SGCZ: variants seen among roughly 807,000 people sequenced by gnomAD.
The protein encoded by SGCZ is sarcoglycan zeta.
Under a neutral mutation model 41.3 loss-of-function variants are expected in SGCZ, and 40 were observed. That is an observed-to-expected ratio of 0.97 (90% CI 0.75 to 1.26). SGCZ has a LOEUF of 1.26. Among genes scored for constraint, SGCZ ranks in the 50% most tolerant of loss-of-function variants. The pLI, the probability that SGCZ is intolerant of heterozygous loss-of-function variation, is 0.00. For missense variants in SGCZ, 552 were observed against 369.8 expected, an observed-to-expected ratio of 1.49 and a Z score of -4.04; for synonymous variants, 206 against 137.5, an observed-to-expected ratio of 1.50 and a Z score of -3.49.
intron 1 of SGCZ, among the ~76,000 whole-genome samples, chr8:15,162,948 C>T (rs1341680504): frequency 6.6e-6 from 1 of 152,098 alleles, no homozygotes; most frequent in Non-Finnish European, 1.5e-5. Flanking sequence ...TAAAAGTGGT[C>T]GGAGTAGGCA....
intron 1 of SGCZ, among the ~76,000 whole-genome samples, chr8:15,215,172 G>C (rs992543089): frequency 1.3e-5 from 2 of 151,960 alleles, no homozygotes; most frequent in Non-Finnish European, 2.9e-5. Flanking sequence ...GTAAACTGTG[G>C]CATCCTGTGG....
chr8:14,304,554 C>G (rs1801291797), intron 3 of SGCZ, among the ~76,000 whole-genome samples: 1 of 152,146 alleles, frequency 6.6e-6, no homozygotes, highest in South Asian at 2.1e-4. Context: ...CATCATGCAA[C>G]TGCAATCCAG....
intron 1 of SGCZ, among the ~76,000 whole-genome samples, chr8:15,096,107 T>C (rs1179832432): frequency 6.6e-6 from 1 of 152,166 alleles, no homozygotes; most frequent in East Asian, 1.9e-4. Flanking sequence ...AGATGGAGTC[T>C]TGCCCTGTAC....
intron 1 of SGCZ, among the ~76,000 whole-genome samples, chr8:14,624,446 G>C (rs902285975): frequency 2.0e-5 from 3 of 150,896 alleles, no homozygotes; most frequent in African/African-American, 7.3e-5. Flanking sequence ...TATTAATAGG[G>C]TTCATTGCAG....
At chr8:14,399,273 C>G (rs554622759) in intron 2 of SGCZ, among the ~76,000 whole-genome samples, 1 of 152,070 alleles carries the variant, frequency 6.6e-6, no homozygotes, top group Admixed American at 6.6e-5. Flanking sequence ...ACAAAATAAT[C>G]TGTGACCATA....
intron 1 of SGCZ, among the ~76,000 whole-genome samples, chr8:14,561,488 C>T (rs1476082446): frequency 6.6e-6 from 1 of 152,068 alleles, no homozygotes; most frequent in African/African-American, 2.4e-5. Flanking sequence ...ATTCAATGCC[C>T]TCAAAATCTG....
At chr8:14,751,108 T>C (rs1321647002) in intron 1 of SGCZ, among the ~76,000 whole-genome samples, 1 of 152,240 alleles carries the variant, frequency 6.6e-6, no homozygotes, top group Non-Finnish European at 1.5e-5. Context: ...ATATCTTTCT[T>C]AGATGTTAGC....
Position 14,085,339 on chromosome 8 carries a change from T to A in SGCZ, c.*5104A>T, listed in dbSNP as rs989028242. ...TGAATAGTGGACCTGATTTAAAGAATTGTATAAATAACGAGACACTCAAAC... is the reference window on the plus strand; with the variant it reads ...TGAATAGTGGACCTGATTTAAAGAAATGTATAAATAACGAGACACTCAAAC... On this transcript the variant is annotated 3_prime_UTR_variant, in exon 8 of 8. Coordinates refer to ENST00000382080, the MANE Select transcript of SGCZ (RefSeq NM_139167.4). Among the ~76,000 whole-genome samples, 2 of 151,760 alleles carry A rather than the reference T, an allele frequency of 1.3e-5. No homozygotes were observed. The highest frequency in any genetic ancestry group is 4.8e-5 in the African/African-American group (2 of 41,396).
intron 1 of SGCZ, among the ~76,000 whole-genome samples, chr8:15,117,792 C>G (rs182522716): frequency 1.4e-4 from 22 of 152,324 alleles, no homozygotes; most frequent in Admixed American, 1.2e-3. Flanking sequence ...TCATCACATT[C>G]ATAATTGTTA....
intron 1 of SGCZ, among the ~76,000 whole-genome samples, chr8:15,164,833 G>C (rs187293150): frequency 1.3e-5 from 2 of 152,034 alleles, no homozygotes; most frequent in Non-Finnish European, 2.9e-5. Flanking sequence ...TTGCGGGTAT[G>C]GCTGTAACCC....
chr8:14,133,610 G>A (rs79388741), intron 5 of SGCZ, among the ~76,000 whole-genome samples: 13 of 152,134 alleles, frequency 8.5e-5, no homozygotes, highest in Non-Finnish European at 1.9e-4. Context: ...GATTGGGTAG[G>A]ACAAGTAAAA....
chr8:14,250,776 G>C (rs573419886), intron 3 of SGCZ, among the ~76,000 whole-genome samples: 2 of 152,080 alleles, frequency 1.3e-5, no homozygotes, highest in Non-Finnish European at 2.9e-5. Context: ...ATGTCCCAGC[G>C]CTCCTATGCA....
intron 2 of SGCZ, 126 bp from the exon 3 acceptor site, chr8:14,324,330 G>C (rs1802022065): frequency 1.4e-6 from 1 of 700,790 alleles, no homozygotes; most frequent in Non-Finnish European, 2.5e-6. Flanking sequence ...GAAAATGAGA[G>C]ATTGAATCTA....
At chr8:14,843,540 G>C (rs934207068) in intron 1 of SGCZ, among the ~76,000 whole-genome samples, 1 of 152,008 alleles carries the variant, frequency 6.6e-6, no homozygotes, top group Non-Finnish European at 1.5e-5. Flanking sequence ...ATTAAATAGT[G>C]TTATTTCTTC....
chr8:14,602,742 C>T (rs558086122), intron 1 of SGCZ, among the ~76,000 whole-genome samples: 28 of 152,210 alleles, frequency 1.8e-4, no homozygotes, highest in African/African-American at 6.7e-4. Flanking sequence ...TCTGTTATAA[C>T]TGAGTATAAT....
intron 2 of SGCZ, among the ~76,000 whole-genome samples, chr8:14,512,647 G>T (rs563250968): frequency 8.6e-5 from 13 of 151,110 alleles, no homozygotes; most frequent in African/African-American, 2.7e-4. Flanking sequence ...ATTTTATTTT[G>T]TGGAGACTTG....
intron 1 of SGCZ, among the ~76,000 whole-genome samples, chr8:15,140,519 C>G (rs534446862): frequency 1.3e-5 from 2 of 152,104 alleles, no homozygotes; most frequent in East Asian, 3.9e-4. Flanking sequence ...AAGTACTTGG[C>G]CCATATTGGT....
chr8:14,823,722 C>T (rs1052103957), intron 1 of SGCZ, among the ~76,000 whole-genome samples: 1 of 152,094 alleles, frequency 6.6e-6, no homozygotes, highest in East Asian at 1.9e-4. Flanking sequence ...CAATTCCATT[C>T]CTGTGTCTAT....
At chr8:14,927,586 GAGAA>G (rs1391800226) in intron 1 of SGCZ, among the ~76,000 whole-genome samples, 2 of 152,018 alleles carry the variant, frequency 1.3e-5, no homozygotes, top group Non-Finnish European at 2.9e-5. Flanking sequence ...TTTTTAAAAA[GAGAA>G]AGGAAAAACC....
Sources: allele counts gnomAD v4.1 joint callset (sites outside exome capture counted in the v4.1 genomes callset), GRCh38; gene constraint gnomAD v4.1.1; transcripts MANE v1.5; gene names NCBI Gene and HGNC (gene_info 2026-07-23, HGNC 2026-07-21).